The following CLEC19A variants were observed in gnomAD, a reference collection of about 807,000 sequenced individuals.
The protein encoded by CLEC19A is C-type lectin domain family 19 member A.
In CLEC19A, 21 loss-of-function variants were observed where a neutral mutation model predicts 26.1. The observed-to-expected ratio is 0.80, with a 90% CI of 0.57 to 1.16. The LOEUF is 1.16. Among genes scored for constraint, CLEC19A ranks in the 50% most tolerant of loss-of-function variants. The pLI is 0.00. For missense variants in CLEC19A, 224 were observed against 227.6 expected (o/e 0.98, Z 0.10); for synonymous variants, 89 against 88.6 (o/e 1.00, Z -0.03).
chr16:19,301,597 C>A lies in CLEC19A; in HGVS notation c.255-2465C>A, dbSNP rs150858888. ...ATTTATTTATTTAGACAGAGTTTTG[C>A]CCTGTTGCCAGGCTGGAGTGCAGTG... On this transcript the variant is annotated intron_variant, in intron 2 of 4. Transcript: ENST00000636231. Among the ~76,000 whole-genome samples, 142 of 152,170 alleles carry A rather than the reference C, an allele frequency of 9.3e-4. 1 individual carries two copies. The highest frequency in any genetic ancestry group is 3.3e-3 in the African/African-American group (137 of 41,526).
chr16:19,296,171 C>A (rs1013107249), intron 1 of CLEC19A, among the ~76,000 whole-genome samples: 1 of 152,122 alleles, frequency 6.6e-6, no homozygotes, highest in Non-Finnish European at 1.5e-5. Flanking sequence ...TGGGGAGGTA[C>A]CCCTGGTCAG....
rs752520185 is a variant in CLEC19A, at chr16:19,285,983, A to ACT, written c.88+48_88+49dup. Reference sequence around the variant, plus strand: ...GCTGGGAGCAGGTGGAGAGGAGTACACTCTCAGGAACTTATTCTATCGGTG... The same window carrying ACT: ...GCTGGGAGCAGGTGGAGAGGAGTACACTCTCTCAGGAACTTATTCTATCGGTG... On this transcript the variant is annotated intron_variant, in intron 1 of 4. Coordinates refer to ENST00000636231, the MANE Select transcript of CLEC19A (RefSeq NM_001256720.2). 24 of 1,513,524 alleles carry ACT rather than the reference A, an allele frequency of 1.6e-5. No individual in the cohort carries two copies. In the East Asian group the frequency reaches 5.2e-4, roughly 33 times the overall value. 93.8% of individuals were successfully genotyped at this position (1,513,524 alleles called of 1,614,324 possible).
chr16:19,292,817 G>C (rs1326577019), intron 1 of CLEC19A, among the ~76,000 whole-genome samples: 1 of 152,142 alleles, frequency 6.6e-6, no homozygotes, highest in Admixed American at 6.5e-5. Flanking sequence ...CAAAAGTGTG[G>C]GCAAACCTGG....
At chr16:19,287,018 C>A (rs1897483982) in intron 1 of CLEC19A, among the ~76,000 whole-genome samples, 1 of 134,452 alleles carries the variant, frequency 7.4e-6, no homozygotes, top group Admixed American at 7.2e-5. Context: ...ACTAGGTATC[C>A]TTCTTTTTTT....
At chr16:19,306,498 AT>A (rs1897958450) in intron 3 of CLEC19A, among the ~76,000 whole-genome samples, 1 of 152,062 alleles carries the variant, frequency 6.6e-6, no homozygotes, top group South Asian at 2.1e-4. Context: ...AGAAGTTATA[AT>A]TTTAAAAACA....
chr16:19,285,811 T>G lies in CLEC19A; in HGVS notation c.-41T>G. 1 of 1,529,904 alleles carries G rather than the reference T, an allele frequency of 6.5e-7. No individual in the cohort carries two copies. The highest frequency in any genetic ancestry group is 2.0e-5 in the Admixed American group (1 of 50,962). 94.8% of individuals were successfully genotyped at this position (1,529,904 alleles called of 1,614,324 possible). A position where few individuals can be genotyped will look rare whatever the true frequency, so the allele number is the denominator to read the frequency against. ...CCAAGCTCCAGCCAAAAAGCCTCTC[T>G]CCTCCACTCAGGCTGGGAGGTTGCT... is the stretch of plus-strand genomic sequence containing the variant. On this transcript the variant is annotated 5_prime_UTR_variant, in exon 1 of 5. Coordinates refer to ENST00000636231, the MANE Select transcript of CLEC19A (RefSeq NM_001256720.2).
intron 1 of CLEC19A, among the ~76,000 whole-genome samples, chr16:19,295,690 C>G (rs1257787644): frequency 6.6e-6 from 1 of 152,172 alleles, no homozygotes; most frequent in Non-Finnish European, 1.5e-5. Flanking sequence ...TAGCCAAGTT[C>G]TCATGGATGA....
At chr16:19,307,426 A>C in intron 3 of CLEC19A, 119 bp from the exon 4 acceptor site, 4 of 1,091,196 alleles carry the variant, frequency 3.7e-6, no homozygotes, top group Non-Finnish European at 5.2e-6. Context: ...CAATGAAGAC[A>C]TCTGTGCAGA....
chr16:19,305,720 A>G (rs979180235), intron 3 of CLEC19A, among the ~76,000 whole-genome samples: 9 of 152,356 alleles, frequency 5.9e-5, no homozygotes, highest in Non-Finnish European at 1.2e-4. Flanking sequence ...ATGCATGTAA[A>G]GAGCTTAGCG....
chr16:19,302,021 C>T (rs1322959953), intron 2 of CLEC19A, among the ~76,000 whole-genome samples: 1 of 152,026 alleles, frequency 6.6e-6, no homozygotes, highest in African/African-American at 2.4e-5. Flanking sequence ...AACTATAATT[C>T]TGCCTCAAGG....
chr16:19,307,534 A>G lies in CLEC19A; in HGVS notation c.349-11A>G. ...CTTGCTTCTTTGTCTCTTTGGGTGG[A>G]ACCCTCCCAGGAAGGGCAGTTTGAA... On this transcript the variant is annotated splice_polypyrimidine_tract_variant and intron_variant, in intron 3 of 4. Transcript: ENST00000636231. 1.3e-6 allele frequency: 2 copies of G among 1,547,692 alleles called. No individual in the cohort carries two copies. Among genetic ancestry groups the G allele is most frequent in the Non-Finnish European group, 1.7e-6 (2 of 1,146,652 alleles).
intron 2 of CLEC19A, among the ~76,000 whole-genome samples, chr16:19,301,413 G>A (rs936604283): frequency 6.6e-6 from 1 of 152,186 alleles, no homozygotes; most frequent in Admixed American, 6.5e-5. Flanking sequence ...AACTGTGGGG[G>A]ACAGTATGAG....
intron 1 of CLEC19A, among the ~76,000 whole-genome samples, chr16:19,296,209 G>C (rs1430146216): frequency 6.6e-6 from 1 of 152,222 alleles, no homozygotes; most frequent in African/African-American, 2.4e-5. Context: ...GGGACAGGCT[G>C]TTCTGGTCAA....
At chr16:19,298,562 T>A in intron 1 of CLEC19A, 111 bp from the exon 2 acceptor site, 1 of 1,158,100 alleles carries the variant, frequency 8.6e-7, no homozygotes. Context: ...CGAGACCCTG[T>A]CTCTTAAAAA....
chr16:19,286,744 A>G (rs912129367), intron 1 of CLEC19A, among the ~76,000 whole-genome samples: 7 of 152,178 alleles, frequency 4.6e-5, no homozygotes, highest in Non-Finnish European at 1.0e-4. Context: ...TTTATTTATC[A>G]TAGCAGTGGC....
rs1332281409 is a variant in CLEC19A, at chr16:19,309,997, T to G, written c.*914T>G. ...CACATGGGCTCAAAGATGAGGCTGGTTCTTCAAAGGAAAACAAAAAGATTA... is the reference window on the plus strand; with the variant it reads ...CACATGGGCTCAAAGATGAGGCTGGGTCTTCAAAGGAAAACAAAAAGATTA... On this transcript the variant is annotated 3_prime_UTR_variant, in exon 5 of 5. Coordinates refer to ENST00000636231, the MANE Select transcript of CLEC19A (RefSeq NM_001256720.2). 1 of 152,090 alleles carries G rather than the reference T, an allele frequency of 6.6e-6. No individual in the cohort carries two copies. The highest frequency in any genetic ancestry group is 1.5e-5 in the Non-Finnish European group (1 of 68,030). The allele number at this position is 152,090 out of a possible 1,614,324, so 9.4% of individuals were successfully genotyped here.
intron 1 of CLEC19A, among the ~76,000 whole-genome samples, chr16:19,294,371 A>G (rs2143009241): frequency 6.6e-6 from 1 of 152,320 alleles, no homozygotes; most frequent in South Asian, 2.1e-4. Flanking sequence ...AAGCAAGCAT[A>G]TTGCTCCAGA....
chr16:19,290,382 TCTC>T (rs1287429222), intron 1 of CLEC19A, among the ~76,000 whole-genome samples: 1 of 150,906 alleles, frequency 6.6e-6, no homozygotes, highest in Non-Finnish European at 1.5e-5. Context: ...TCTTCCCTCT[TCTC>T]CTTCTCAAGT....
chr16:19,289,805 G>A (rs934934411), intron 1 of CLEC19A, among the ~76,000 whole-genome samples: 1 of 152,246 alleles, frequency 6.6e-6, no homozygotes, highest in African/African-American at 2.4e-5. Flanking sequence ...GCTTCCCAGA[G>A]CCAGGGCTCA....
Sources: gnomAD v4.1 joint callset for allele counts (sites outside exome capture counted in the v4.1 genomes callset) on GRCh38, gnomAD v4.1.1 for gene constraint, MANE v1.5 for transcripts, NCBI Gene and HGNC (gene_info 2026-07-23, HGNC 2026-07-21) for gene names.